The following GPX3 variants were observed in gnomAD, a reference collection of about 807,000 sequenced individuals.
GPX3 encodes GPx-3.
In GPX3, 22 loss-of-function variants were observed where a neutral mutation model predicts 25.1. The ratio of observed to expected loss-of-function variants is 0.88; its 90% confidence interval spans 0.63 to 1.25. The LOEUF (loss-of-function observed/expected upper bound fraction) is 1.25, where lower values mean the gene tolerates loss of function less well. Among genes scored for constraint, GPX3 ranks in the 50% most tolerant of loss-of-function variants. The pLI, the probability that GPX3 is intolerant of heterozygous loss-of-function variation, is 0.00. For synonymous variants in GPX3, 110 were observed against 114.5 expected, an observed-to-expected ratio of 0.96 and a Z score of 0.25; for missense variants, 278 against 286.6, an observed-to-expected ratio of 0.97 and a Z score of 0.22.
chr5:151,022,661 G>A (rs1430048567), intron 1 of GPX3, among the ~76,000 whole-genome samples: 1 of 152,266 alleles, frequency 6.6e-6, no homozygotes, highest in Middle Eastern at 3.4e-3. Flanking sequence ...AAGAGACCAG[G>A]TCCTCCTCTT....
Position 151,028,738 on chromosome 5 carries a change from A to C in GPX3, c.*608A>C, listed in dbSNP as rs8177452. 6.5e-6 allele frequency: 1 copy of C among 153,714 alleles called. No individual in the cohort carries two copies. Among genetic ancestry groups the C allele is most frequent in the South Asian group, 2.0e-4 (1 of 4,892 alleles). 9.5% of individuals were successfully genotyped at this position (153,714 alleles called of 1,614,324 possible). ...AGAGAGATCAACCTCCCTGAGATCAACCAAGGCAGATGTGACAGCAAGGGC... is the reference window on the plus strand; with the variant it reads ...AGAGAGATCAACCTCCCTGAGATCACCCAAGGCAGATGTGACAGCAAGGGC... On this transcript the variant is annotated 3_prime_UTR_variant, in exon 5 of 5. Coordinates refer to ENST00000388825, the MANE Select transcript of GPX3 (RefSeq NM_002084.5).
chr5:151,025,499 A>G lies in GPX3; in HGVS notation c.241+6A>G. On this transcript the variant is annotated splice_donor_region_variant and intron_variant, in intron 2 of 4. Transcript: ENST00000388825. ...CCTGACGGGCCAGTACATTGGTAAG[A>G]GCCCACCCTTCCTCCCTGCTTTATT... 6.3e-7 allele frequency: 1 copy of G among 1,594,464 alleles called. No individual in the cohort carries two copies. Among genetic ancestry groups the G allele is most frequent in the South Asian group, 1.1e-5 (1 of 88,836 alleles).
chr5:151,020,761 G>T lies in GPX3; in HGVS notation c.87+20G>T. 6.2e-7 allele frequency: 1 copy of T among 1,600,298 alleles called. No homozygotes were observed. Among genetic ancestry groups the T allele is most frequent in the East Asian group, 2.2e-5 (1 of 44,496 alleles). On this transcript the variant is annotated intron_variant, in intron 1 of 4. Transcript: ENST00000388825. ...TCGAAGGTGAGTGAGCCTCCGGGCC[G>T]GGGGCCGGGAGAAAAAACCTAGCCC...
intron 2 of GPX3, chr5:151,026,695 C>T (rs765084057): frequency 1.2e-4 from 58 of 488,092 alleles, no homozygotes; most frequent in Non-Finnish European, 1.8e-4. Flanking sequence ...GTCCTCCAAA[C>T]CTCCAATCCA....
chr5:151,026,801 T>G, intron 2 of GPX3, 99 bp from the exon 3 acceptor site: 2 of 821,050 alleles, frequency 2.4e-6, no homozygotes, highest in Non-Finnish European at 4.0e-6. Flanking sequence ...CGGGCCTCAG[T>G]AGTTCCAGCG....
intron 3 of GPX3, 75 bp from the exon 4 acceptor site, chr5:151,027,357 T>G (rs1285820909): frequency 1.1e-6 from 1 of 940,184 alleles, no homozygotes; most frequent in Non-Finnish European, 1.7e-6. Context: ...CCCTCTCCCC[T>G]GTTCTGTCCC....
intron 3 of GPX3, 85 bp from the exon 4 acceptor site, chr5:151,027,347 C>T (rs1756565402): frequency 1.2e-6 from 1 of 859,244 alleles, no homozygotes. Context: ...ACTCCCAACA[C>T]CCTCTCCCCT....
chr5:151,025,920 G>A (rs1341704895), intron 2 of GPX3, among the ~76,000 whole-genome samples: 1 of 152,196 alleles, frequency 6.6e-6, no homozygotes, highest in Non-Finnish European at 1.5e-5. Context: ...CAGAGTGTAT[G>A]CGTGGTGTAG....
At chr5:151,022,720 G>A (rs1756494901) in intron 1 of GPX3, among the ~76,000 whole-genome samples, 1 of 152,174 alleles carries the variant, frequency 6.6e-6, no homozygotes, top group African/African-American at 2.4e-5. Flanking sequence ...CACGCTCCTT[G>A]TCTCTACAAA....
intron 4 of GPX3, 25 bp downstream of exon 4, chr5:151,027,556 G>A: frequency 6.8e-7 from 1 of 1,465,890 alleles, no homozygotes; most frequent in Non-Finnish European, 9.6e-7. Context: ...ACCTGTGCTG[G>A]CTGGGGCTGC....
chr5:151,020,885 G>A, intron 1 of GPX3, 144 bp downstream of exon 1: 2 of 777,342 alleles, frequency 2.6e-6, no homozygotes, highest in Non-Finnish European at 4.4e-6. Context: ...CCCTTTTGCC[G>A]CCCCCTCCGC....
chr5:151,023,519 C>G (rs1262089375), intron 1 of GPX3, among the ~76,000 whole-genome samples: 2 of 152,104 alleles, frequency 1.3e-5, no homozygotes, highest in Non-Finnish European at 2.9e-5. Context: ...GAAACTGTGC[C>G]CAGAAGCTGG....
intron 1 of GPX3, chr5:151,021,590 T>A (rs1756477366): frequency 6.6e-6 from 1 of 152,254 alleles, no homozygotes; most frequent in Non-Finnish European, 1.5e-5. Context: ...GACTGCTAAT[T>A]CAGAAGAAGA....
rs560735748 is a variant in GPX3, at chr5:151,028,057, C to T, written c.608C>T (p.Thr203Met). Reference sequence around the variant, plus strand: ...ATCATGCGCTGGCACCACCGGACCACGGTCAGCAACGTCAAGATGGACATC... The same window carrying T: ...ATCATGCGCTGGCACCACCGGACCATGGTCAGCAACGTCAAGATGGACATC... ...IPIMRWHHRT[T>M]VSNVKMDILS... Residue 203 changes from threonine to methionine, a missense_variant, in exon 5 of 5, where the codon ACG becomes ATG. Coordinates refer to ENST00000388825, the MANE Select transcript of GPX3 (RefSeq NM_002084.5). 27 of 1,613,208 alleles carry T rather than the reference C, an allele frequency of 1.7e-5. No individual in the cohort carries two copies. The highest frequency in any genetic ancestry group is 1.6e-4 in the East Asian group (7 of 44,858).
intron 1 of GPX3, chr5:151,021,203 T>A: frequency 4.3e-6 from 1 of 232,146 alleles, no homozygotes. Flanking sequence ...TGGGTGGTCC[T>A]GGTCCTGAAG....
intron 1 of GPX3, among the ~76,000 whole-genome samples, chr5:151,024,060 G>A (rs1756513307): frequency 6.6e-6 from 1 of 152,182 alleles, no homozygotes; most frequent in Admixed American, 6.5e-5. Flanking sequence ...CTCCAGAATT[G>A]AGGGGAAGAG....
At chr5:151,023,565 C>G (rs1162324964) in intron 1 of GPX3, among the ~76,000 whole-genome samples, 1 of 152,176 alleles carries the variant, frequency 6.6e-6, no homozygotes, top group Non-Finnish European at 1.5e-5. Flanking sequence ...TTAGGACAAC[C>G]TGTAATCTTT....
chr5:151,027,572 C>CA, intron 4 of GPX3, 41 bp downstream of exon 4: 1 of 1,304,904 alleles, frequency 7.7e-7, no homozygotes, highest in Non-Finnish European at 1.1e-6. Context: ...GCTGCAGCCC[C>CA]TCCTGGCTCC....
chr5:151,020,601 T>G lies in GPX3; in HGVS notation c.-54T>G. 1 of 1,476,778 alleles carries G rather than the reference T, an allele frequency of 6.8e-7. No individual in the cohort carries two copies. The highest frequency in any genetic ancestry group is 1.4e-5 in the African/African-American group (1 of 71,872). The allele number at this position is 1,476,778 out of a possible 1,614,324, so 91.5% of individuals were successfully genotyped here. The stretch of plus-strand genomic sequence containing the variant: ...AGCGCCGGACACCTCAGACGGACGG[T>G]GGCCAGGGATCAGGCAGCGGCTCAG... On this transcript the variant is annotated 5_prime_UTR_variant, in exon 1 of 5. Transcript: ENST00000388825.
Sources: allele counts gnomAD v4.1 joint callset (sites outside exome capture counted in the v4.1 genomes callset), GRCh38; gene constraint gnomAD v4.1.1; transcripts MANE v1.5; gene names NCBI Gene and HGNC (gene_info 2026-07-23, HGNC 2026-07-21).